GABBR2: variants seen among roughly 807,000 people sequenced by gnomAD.
The protein encoded by GABBR2 is G-protein coupled receptor 51.
Under a neutral mutation model 105.6 loss-of-function variants are expected in GABBR2, and 23 were observed. The observed-to-expected ratio is 0.22, with a 90% CI of 0.16 to 0.31. The LOEUF (loss-of-function observed/expected upper bound fraction) is 0.31, where lower values mean the gene tolerates loss of function less well. Ranked by LOEUF, GABBR2 falls within the 10% of genes least tolerant of loss-of-function variation. GABBR2 has a pLI of 1.00. For synonymous variants in GABBR2, 478 were observed against 499.7 expected (o/e 0.96, Z 0.58); for missense variants, 734 against 1,245.5 (o/e 0.59, Z 6.18).
Position 98,415,218 on chromosome 9 carries a change from C to G in GABBR2, c.1237-9077G>C, listed in dbSNP as rs567554480. ...CGCTTTTTATTTTTACTTTTTAATACTTTACCTATATTCTATAATAAATGG... is the reference window on the plus strand; with the variant it reads ...CGCTTTTTATTTTTACTTTTTAATAGTTTACCTATATTCTATAATAAATGG... On this transcript the variant is annotated intron_variant, in intron 7 of 18. Coordinates refer to ENST00000259455, the MANE Select transcript of GABBR2 (RefSeq NM_005458.8). Among the ~76,000 whole-genome samples the G allele has an allele frequency of 5.4e-4, 82 of 152,136 alleles. 1 individual carries two copies. The South Asian group carries it at 0.013, about 24-fold the overall frequency.
intron 4 of GABBR2, among the ~76,000 whole-genome samples, chr9:98,495,161 G>A (rs149233275): frequency 0.018 from 2,746 of 152,332 alleles, 52 homozygotes; most frequent in South Asian, 0.07. Context: ...ATCTGCAGAG[G>A]CTCCCAAGGC....
At chr9:98,546,536 CTGTT>C in intron 2 of GABBR2, among the ~76,000 whole-genome samples, 1 of 151,994 alleles carries the variant, frequency 6.6e-6, no homozygotes, top group Admixed American at 6.6e-5. Flanking sequence ...TAAAATAAAC[CTGTT>C]TGTCATTTTA....
chr9:98,402,828 G>C (rs1447985089), intron 8 of GABBR2, among the ~76,000 whole-genome samples: 1 of 152,128 alleles, frequency 6.6e-6, no homozygotes, highest in African/African-American at 2.4e-5. Context: ...CGCACAGCTT[G>C]GACGGCCTAT....
chr9:98,370,677 A>T (rs1831762932), intron 12 of GABBR2, among the ~76,000 whole-genome samples: 1 of 152,240 alleles, frequency 6.6e-6, no homozygotes, highest in Non-Finnish European at 1.5e-5. Context: ...ATATTATAAT[A>T]GTTACTAACC....
intron 3 of GABBR2, among the ~76,000 whole-genome samples, chr9:98,510,590 C>T (rs1389818497): frequency 4.0e-4 from 61 of 151,202 alleles, no homozygotes; most frequent in Non-Finnish European, 5.9e-4. Context: ...ACCAAGCAAA[C>T]GGAAAACAAA....
At position 98,320,902 on chromosome 9, in the gene GABBR2, A is replaced by G. The variant is rs562072414; in HGVS notation, c.1894-9697T>C. ...TAGATGACGAGTTAGTGGGTGCAGC[A>G]CACCAGCATGGCACATGTATACGCA... On this transcript the variant is annotated intron_variant, in intron 13 of 18. Transcript: ENST00000259455. Among the ~76,000 whole-genome samples, 566 of 152,018 alleles carry G rather than the reference A, an allele frequency of 3.7e-3. 6 individuals are homozygous for G. Among genetic ancestry groups the G allele is most frequent in the African/African-American group, 0.012 (503 of 41,418 alleles).
intron 6 of GABBR2, 67 bp downstream of exon 6, chr9:98,473,079 A>T: frequency 8.3e-7 from 1 of 1,208,724 alleles, no homozygotes; most frequent in Non-Finnish European, 1.2e-6. Flanking sequence ...TCTTTTGGCC[A>T]ATGTCATCAG....
chr9:98,484,097 G>A (rs536220741), intron 4 of GABBR2, among the ~76,000 whole-genome samples: 1 of 152,258 alleles, frequency 6.6e-6, no homozygotes, highest in South Asian at 2.1e-4. Flanking sequence ...TCTAGACCCT[G>A]GGCTCACCAT....
At chr9:98,517,432 C>T (rs1827779460) in intron 3 of GABBR2, among the ~76,000 whole-genome samples, 2 of 152,202 alleles carry the variant, frequency 1.3e-5, no homozygotes, top group Non-Finnish European at 2.9e-5. Flanking sequence ...ACATATGTGT[C>T]AGCTTGGACC....
intron 4 of GABBR2, 30 bp downstream of exon 4, chr9:98,496,383 G>T (rs1194893936): frequency 2.2e-6 from 3 of 1,348,486 alleles, no homozygotes; most frequent in Non-Finnish European, 3.2e-6. Flanking sequence ...AGATCAGTCT[G>T]CCATTCACCC....
chr9:98,471,841 A>T (rs1826688563), intron 6 of GABBR2, among the ~76,000 whole-genome samples: 1 of 152,252 alleles, frequency 6.6e-6, no homozygotes, highest in African/African-American at 2.4e-5. Flanking sequence ...CTTTAAAAAT[A>T]ACACTTACTG....
At chr9:98,629,676 C>T (rs1449549985) in intron 1 of GABBR2, among the ~76,000 whole-genome samples, 2 of 152,198 alleles carry the variant, frequency 1.3e-5, no homozygotes, top group African/African-American at 4.8e-5. Context: ...GTGCCTTGGT[C>T]CAAACCAATT....
At chr9:98,582,427 C>T (rs2808538) in intron 1 of GABBR2, among the ~76,000 whole-genome samples, 17,902 of 152,166 alleles carry the variant, frequency 0.12, 1,377 homozygotes, top group Admixed American at 0.21. Flanking sequence ...CCTCCAGATA[C>T]GAACCCAGCC....
At chr9:98,639,361 A>G (rs976052355) in intron 1 of GABBR2, among the ~76,000 whole-genome samples, 2 of 152,032 alleles carry the variant, frequency 1.3e-5, no homozygotes, top group Non-Finnish European at 2.9e-5. Context: ...ATCTGTCACC[A>G]CCTTGCATGT....
intron 2 of GABBR2, among the ~76,000 whole-genome samples, chr9:98,563,981 C>T (rs1175004293): frequency 6.6e-6 from 1 of 152,194 alleles, no homozygotes; most frequent in African/African-American, 2.4e-5. Context: ...TATTGATTTT[C>T]ACCAACAACC....
At chr9:98,477,896 G>A (rs867138048) in intron 5 of GABBR2, among the ~76,000 whole-genome samples, 1 of 152,108 alleles carries the variant, frequency 6.6e-6, no homozygotes, top group African/African-American at 2.4e-5. Flanking sequence ...AAGCAGACAG[G>A]GTACGGATCA....
intron 1 of GABBR2, among the ~76,000 whole-genome samples, chr9:98,642,146 A>G (rs1477652487): frequency 1.3e-5 from 2 of 152,196 alleles, no homozygotes; most frequent in Non-Finnish European, 2.9e-5. Context: ...AATAATATTA[A>G]TGAAAGTTTC....
chr9:98,391,086 A>T (rs1417486258), intron 9 of GABBR2, among the ~76,000 whole-genome samples: 1 of 152,158 alleles, frequency 6.6e-6, no homozygotes, highest in Non-Finnish European at 1.5e-5. Context: ...ATTCATCATT[A>T]ATGATGATTA....
intron 7 of GABBR2, among the ~76,000 whole-genome samples, chr9:98,412,911 G>C (rs780516957): frequency 3.9e-5 from 6 of 152,216 alleles, no homozygotes; most frequent in Non-Finnish European, 5.9e-5. Flanking sequence ...CATTGGATCA[G>C]AGCCTTTTAG....
Sources: allele counts gnomAD v4.1 joint callset (sites outside exome capture counted in the v4.1 genomes callset), GRCh38; gene constraint gnomAD v4.1.1; transcripts MANE v1.5; gene names NCBI Gene and HGNC (gene_info 2026-07-23, HGNC 2026-07-21).